LRRTM4: variants seen among roughly 807,000 people sequenced by gnomAD.
LRRTM4 encodes leucine rich repeat transmembrane neuronal 4, also known as leucine-rich repeat transmembrane neuronal protein 4.
A neutral mutation model predicts 47.6 loss-of-function variants in LRRTM4; 25 were observed. The observed-to-expected ratio is 0.53, with a 90% CI of 0.38 to 0.73. LRRTM4 has a LOEUF of 0.73. LRRTM4 is among the 30% of genes least tolerant of loss of function. The probability of loss-of-function intolerance (pLI) is 0.00; values close to 1 mark genes in which losing one functional copy is unlikely to be tolerated. For synonymous variants in LRRTM4, 311 were observed against 269.5 expected (o/e 1.15, Z -1.51); for missense variants, 638 against 713.4 (o/e 0.89, Z 1.20).
chr2:77,291,937 A>T (rs1400395740), intron 3 of LRRTM4, among the ~76,000 whole-genome samples: 1 of 152,010 alleles, frequency 6.6e-6, no homozygotes, highest in African/African-American at 2.4e-5. Flanking sequence ...AATTTTCGCA[A>T]TCTACTCATC....
At chr2:77,496,731 C>T (rs1252566958) in intron 3 of LRRTM4, among the ~76,000 whole-genome samples, 5 of 151,692 alleles carry the variant, frequency 3.3e-5, no homozygotes, top group African/African-American at 1.2e-4. Flanking sequence ...ACAAAGTGTA[C>T]TTGCCTGTAG....
intron 3 of LRRTM4, among the ~76,000 whole-genome samples, chr2:76,846,493 ATC>A (rs1457779202): frequency 2.6e-5 from 4 of 152,154 alleles, no homozygotes; most frequent in East Asian, 1.9e-4. Context: ...ACATTCTAAC[ATC>A]TGTTAGAATC....
At chr2:76,901,817 A>G (rs541976657) in intron 3 of LRRTM4, among the ~76,000 whole-genome samples, 2 of 152,178 alleles carry the variant, frequency 1.3e-5, no homozygotes, top group South Asian at 4.1e-4. Context: ...GCAGTAACTT[A>G]GCTGACAGAA....
chr2:77,383,958 A>T (rs1199354383), intron 3 of LRRTM4, among the ~76,000 whole-genome samples: 1 of 152,152 alleles, frequency 6.6e-6, no homozygotes, highest in African/African-American at 2.4e-5. Context: ...ACTCTTTCAG[A>T]GCTTAATTTA....
intron 3 of LRRTM4, among the ~76,000 whole-genome samples, chr2:76,898,180 T>C (rs1673488483): frequency 6.7e-6 from 1 of 150,076 alleles, no homozygotes; most frequent in Non-Finnish European, 1.5e-5. Context: ...AAATACATGC[T>C]CATTATGTAG....
chr2:77,520,350 G>A (rs1203725479), intron 2 of LRRTM4, among the ~76,000 whole-genome samples: 2 of 152,030 alleles, frequency 1.3e-5, no homozygotes, highest in Non-Finnish European at 2.9e-5. Flanking sequence ...AGCTGTCAAG[G>A]TAACCCAAGT....
chr2:76,906,020 G>A (rs1459858077), intron 3 of LRRTM4, among the ~76,000 whole-genome samples: 1 of 152,030 alleles, frequency 6.6e-6, no homozygotes, highest in African/African-American at 2.4e-5. Flanking sequence ...TCCTCGAGAA[G>A]AGCAACTCCA....
At chr2:77,164,501 T>C (rs923411928) in intron 3 of LRRTM4, among the ~76,000 whole-genome samples, 2 of 152,150 alleles carry the variant, frequency 1.3e-5, no homozygotes, top group African/African-American at 4.8e-5. Flanking sequence ...ATCAACAGAA[T>C]ATACATTCTT....
chr2:77,164,348 T>A (rs187691444), intron 3 of LRRTM4, among the ~76,000 whole-genome samples: 1 of 152,104 alleles, frequency 6.6e-6, no homozygotes, highest in East Asian at 1.9e-4. Flanking sequence ...TAGACTCCCA[T>A]ACAATAATAA....
intron 3 of LRRTM4, among the ~76,000 whole-genome samples, chr2:77,115,833 C>A (rs984692660): frequency 1.3e-5 from 2 of 152,158 alleles, no homozygotes; most frequent in Non-Finnish European, 2.9e-5. Context: ...TTGCTTTCCA[C>A]CTAGACCTAA....
At chr2:77,065,735 C>A (rs1679929391) in intron 3 of LRRTM4, among the ~76,000 whole-genome samples, 1 of 152,080 alleles carries the variant, frequency 6.6e-6, no homozygotes, top group Non-Finnish European at 1.5e-5. Flanking sequence ...AGCCAGGAGC[C>A]TTTGTTAATC....
At position 77,119,053 on chromosome 2, in the gene LRRTM4, A is replaced by T. The variant is rs528225162; in HGVS notation, c.1552-370137T>A. Among the ~76,000 whole-genome samples the T allele has an allele frequency of 2.1e-3, 315 of 151,962 alleles. 1 individual carries two copies. Among genetic ancestry groups the T allele is most frequent in the African/African-American group, 7.2e-3 (300 of 41,532 alleles). On this transcript the variant is annotated intron_variant, in intron 3 of 3. Coordinates refer to ENST00000409884, the MANE Select transcript of LRRTM4 (RefSeq NM_001134745.3). ...GTAAGAAAAGATTACCATTATTTTA[A>T]TTTGTGTATATCCAGCCAATTTTTG...
At chr2:77,106,951 GAT>G (rs1464645376) in intron 3 of LRRTM4, among the ~76,000 whole-genome samples, 2 of 150,474 alleles carry the variant, frequency 1.3e-5, no homozygotes, top group African/African-American at 4.9e-5. Context: ...ACATCTATCT[GAT>G]AAAAAAAAGA....
At chr2:77,147,015 A>C (rs1250678256) in intron 3 of LRRTM4, among the ~76,000 whole-genome samples, 1 of 152,194 alleles carries the variant, frequency 6.6e-6, no homozygotes, top group Non-Finnish European at 1.5e-5. Context: ...AAAAATAATA[A>C]AATTTTTCAT....
At chr2:76,974,211 C>CAT (rs1440382318) in intron 3 of LRRTM4, among the ~76,000 whole-genome samples, 15,020 of 117,972 alleles carry the variant, frequency 0.13, 1,128 homozygotes, top group Admixed American at 0.2. Flanking sequence ...TATATATATA[C>CAT]ACATATATAT....
intron 3 of LRRTM4, among the ~76,000 whole-genome samples, chr2:77,171,034 T>C (rs1332466365): frequency 1.3e-5 from 2 of 151,804 alleles, no homozygotes; most frequent in African/African-American, 4.8e-5. Flanking sequence ...AATATATACA[T>C]ATATGTGTAT....
chr2:77,456,436 C>T (rs1882681), intron 3 of LRRTM4, among the ~76,000 whole-genome samples: 110,680 of 152,044 alleles, frequency 0.73, 40,744 homozygotes, highest in African/African-American at 0.83. Flanking sequence ...TCCAGGCTTA[C>T]AACTAAAGCC....
intron 3 of LRRTM4, among the ~76,000 whole-genome samples, chr2:77,030,457 T>C (rs569032298): frequency 2.0e-5 from 3 of 152,180 alleles, no homozygotes; most frequent in African/African-American, 4.8e-5. Flanking sequence ...TAAACATTTA[T>C]TGACAGTAAG....
intron 3 of LRRTM4, among the ~76,000 whole-genome samples, chr2:76,779,994 A>C (rs974121526): frequency 1.3e-5 from 2 of 152,078 alleles, no homozygotes; most frequent in African/African-American, 4.8e-5. Flanking sequence ...TTGTCTGTAA[A>C]GTATTTTATT....
Sources: gnomAD v4.1 joint callset for allele counts (sites outside exome capture counted in the v4.1 genomes callset) on GRCh38, gnomAD v4.1.1 for gene constraint, MANE v1.5 for transcripts, NCBI Gene and HGNC (gene_info 2026-07-23, HGNC 2026-07-21) for gene names.